The following PGPEP1 variants were observed in gnomAD, a reference collection of about 807,000 sequenced individuals.
The protein encoded by PGPEP1 is pyroglutamyl-peptidase I.
A neutral mutation model predicts 24.1 loss-of-function variants in PGPEP1; 15 were observed. The ratio of observed to expected loss-of-function variants is 0.62; its 90% confidence interval spans 0.42 to 0.96. The LOEUF is 0.96. PGPEP1 is among the 40% of genes least tolerant of loss of function. The pLI is 0.00. For missense variants in PGPEP1, 242 were observed against 273.4 expected (o/e 0.89, Z 0.81); for synonymous variants, 122 against 116.4 (o/e 1.05, Z -0.31).
Position 18,368,141 on chromosome 19 carries a change from G to GA in PGPEP1, c.*4568dup, listed in dbSNP as rs930021090. On this transcript the variant is annotated 3_prime_UTR_variant, in exon 5 of 5. Coordinates refer to ENST00000269919, the MANE Select transcript of PGPEP1 (RefSeq NM_017712.4). ...GAGCAAGACCCTGCCTCAAAATTAA[G>GA]AAAAAAAAAAGGGGGGCCAGGCGCA... 742 of 144,488 alleles carry GA rather than the reference G, an allele frequency of 5.1e-3. 3 individuals carry two copies. Among genetic ancestry groups the GA allele is most frequent in the African/African-American group, 0.015 (577 of 39,428 alleles). 9.0% of individuals were successfully genotyped at this position (144,488 alleles called of 1,614,324 possible).
intron 4 of PGPEP1, among the ~76,000 whole-genome samples, chr19:18,361,134 A>G (rs1971338317): frequency 6.9e-6 from 1 of 145,790 alleles, no homozygotes; most frequent in Non-Finnish European, 1.5e-5. Context: ...ACCCAGCTCA[A>G]TTTTCTTTCT....
chr19:18,352,243 G>T, intron 2 of PGPEP1, among the ~76,000 whole-genome samples: 1 of 122,314 alleles, frequency 8.2e-6, no homozygotes, highest in East Asian at 2.5e-4. Flanking sequence ...CGCCAGCCTG[G>T]GTGACAGAGC....
intron 1 of PGPEP1, 87 bp from the exon 2 acceptor site, chr19:18,342,772 C>T (rs1970708507): frequency 7.8e-6 from 8 of 1,025,504 alleles, no homozygotes; most frequent in Middle Eastern, 5.0e-4. Flanking sequence ...TCCTTTCTTG[C>T]TTCTCCAGGT....
intron 4 of PGPEP1, among the ~76,000 whole-genome samples, chr19:18,361,065 C>T (rs1971334761): frequency 6.6e-6 from 1 of 151,938 alleles, no homozygotes; most frequent in East Asian, 1.9e-4. Context: ...CTTCTGAGCT[C>T]AAGCAATATG....
intron 2 of PGPEP1, among the ~76,000 whole-genome samples, chr19:18,345,646 G>A (rs1158508679): frequency 6.7e-6 from 1 of 148,928 alleles, no homozygotes; most frequent in Non-Finnish European, 1.5e-5. Flanking sequence ...GATCACCTAA[G>A]CCTGGGGAGG....
intron 4 of PGPEP1, 100 bp downstream of exon 4, chr19:18,357,715 C>T (rs1168304233): frequency 3.7e-6 from 3 of 819,956 alleles, no homozygotes; most frequent in African/African-American, 3.4e-5. Context: ...CCTCTTTGGA[C>T]CAAGCACTCA....
At chr19:18,363,033 TTGTGTGTGTGTG>T (rs201259409) in intron 4 of PGPEP1, among the ~76,000 whole-genome samples, 20 of 136,788 alleles carry the variant, frequency 1.5e-4, no homozygotes, top group South Asian at 4.9e-4. Flanking sequence ...TTTTTTTTGT[TTGTGTGTGTGTG>T]TGTGTGTGTG....
intron 2 of PGPEP1, among the ~76,000 whole-genome samples, chr19:18,354,508 A>G (rs1971123815): frequency 6.6e-6 from 1 of 152,070 alleles, no homozygotes; most frequent in Non-Finnish European, 1.5e-5. Flanking sequence ...ATAAAATAAA[A>G]TAAAATAAAT....
At chr19:18,361,813 G>T in intron 4 of PGPEP1, 3 of 985,228 alleles carry the variant, frequency 3.0e-6, no homozygotes, top group Non-Finnish European at 1.2e-6. Context: ...TTGCTTTTAC[G>T]TGGATGGAGT....
At chr19:18,358,552 G>A (rs1240893128) in intron 4 of PGPEP1, among the ~76,000 whole-genome samples, 4 of 144,728 alleles carry the variant, frequency 2.8e-5, no homozygotes, top group South Asian at 4.4e-4. Flanking sequence ...GAGCCACTGC[G>A]CCCAGCCGAC....
chr19:18,363,436 C>G lies in PGPEP1; in HGVS notation c.483C>G (p.His161Gln). ...FTYYTSLYQS[H>Q]GRSAFVHVPP... ...ACTACACCTCTTTGTACCAGAGTCA[C>G]GGTCGATCAGCCTTCGTCCACGTGC... Residue 161 changes from histidine (H) to glutamine (Q), a missense_variant, in exon 5 of 5, where the codon CAC (histidine) becomes CAG (glutamine). Transcript: ENST00000269919. 1 of 1,613,920 alleles carries G rather than the reference C, an allele frequency of 6.2e-7. No homozygotes were observed. Among genetic ancestry groups the G allele is most frequent in the Non-Finnish European group, 8.5e-7 (1 of 1,179,820 alleles).
intron 4 of PGPEP1, among the ~76,000 whole-genome samples, chr19:18,361,478 T>C (rs1302832804): frequency 6.6e-6 from 1 of 151,746 alleles, no homozygotes; most frequent in Non-Finnish European, 1.5e-5. Context: ...AGAGACAAGG[T>C]GTTGCAATGT....
intron 2 of PGPEP1, chr19:18,348,990 C>T (rs1258587498): frequency 5.2e-5 from 22 of 421,998 alleles, no homozygotes; most frequent in South Asian, 9.8e-5. Flanking sequence ...CTTGAACTTC[C>T]GGGCTCAAAT....
intron 2 of PGPEP1, among the ~76,000 whole-genome samples, chr19:18,346,090 A>AG (rs1970837053): frequency 6.6e-6 from 1 of 152,046 alleles, no homozygotes; most frequent in African/African-American, 2.4e-5. Flanking sequence ...AGCCCCACAT[A>AG]GCCTCTCCCC....
intron 2 of PGPEP1, among the ~76,000 whole-genome samples, chr19:18,353,533 A>T (rs1244493653): frequency 6.6e-6 from 1 of 152,082 alleles, no homozygotes; most frequent in East Asian, 1.9e-4. Context: ...TAAAGTATAT[A>T]ATTGCATGGC....
At chr19:18,362,030 CT>C in intron 4 of PGPEP1, 1 of 215,854 alleles carries the variant, frequency 4.6e-6, no homozygotes, top group Non-Finnish European at 7.9e-6. Flanking sequence ...TGTTTTCCTG[CT>C]TTTATACATA....
At chr19:18,362,726 C>CAAAAAAAAAAAAAAAAA (rs71166506) in intron 4 of PGPEP1, among the ~76,000 whole-genome samples, 1 of 85,874 alleles carries the variant, frequency 1.2e-5, no homozygotes, top group Admixed American at 1.3e-4. Context: ...GACTCTGTCT[C>CAAAAAAAAAAAAAAAAA]AAAAAAAAAA....
chr19:18,368,106 C>T lies in PGPEP1; in HGVS notation c.*4523C>T, dbSNP rs1971605487. 6.6e-6 allele frequency: 1 copy of T among 151,812 alleles called. No homozygotes were observed. The allele number at this position is 151,812 out of a possible 1,614,324, so 9.4% of individuals were successfully genotyped here. Reference sequence around the variant, plus strand: ...CATGATTACACTACTGTACCCCAGCCTGGGCAACAGAGCAAGACCCTGCCT... The same window carrying T: ...CATGATTACACTACTGTACCCCAGCTTGGGCAACAGAGCAAGACCCTGCCT... On this transcript the variant is annotated 3_prime_UTR_variant, in exon 5 of 5. Coordinates refer to ENST00000269919, the MANE Select transcript of PGPEP1 (RefSeq NM_017712.4).
chr19:18,342,278 C>A (rs1970692661), intron 1 of PGPEP1, among the ~76,000 whole-genome samples: 1 of 152,190 alleles, frequency 6.6e-6, no homozygotes, highest in South Asian at 2.1e-4. Flanking sequence ...AGCTTCACCT[C>A]TCTGTGCCTC....
Sources: allele counts gnomAD v4.1 joint callset (sites outside exome capture counted in the v4.1 genomes callset), GRCh38; gene constraint gnomAD v4.1.1; transcripts MANE v1.5; gene names NCBI Gene and HGNC (gene_info 2026-07-23, HGNC 2026-07-21).